The following PEX14 variants were observed in gnomAD, a reference collection of about 807,000 sequenced individuals.
The protein encoded by PEX14 is peroxisomal membrane protein PEX14.
PEX14 carries 15 observed loss-of-function variants against 49.5 expected under a neutral mutation model. The observed-to-expected ratio is 0.30, with a 90% confidence interval of 0.20 to 0.47. The LOEUF (loss-of-function observed/expected upper bound fraction) is 0.47, where lower values mean the gene tolerates loss of function less well. Among genes scored for constraint, PEX14 ranks in the 20% least tolerant of loss-of-function variants. PEX14 has a pLI of 1.00. For missense variants in PEX14, 398 were observed against 494.8 expected (o/e 0.80, Z 1.86); for synonymous variants, 210 against 212.7 (o/e 0.99, Z 0.11).
chr1:10,630,603 C>G lies in PEX14; in HGVS notation c.*616C>G, dbSNP rs541842608. The G allele has an allele frequency of 6.5e-6, 1 of 154,130 alleles. No individual in the cohort carries two copies. Among genetic ancestry groups the G allele is most frequent in the African/African-American group, 2.4e-5 (1 of 41,450 alleles). 9.5% of individuals were successfully genotyped at this position (154,130 alleles called of 1,614,324 possible). On this transcript the variant is annotated 3_prime_UTR_variant, in exon 9 of 9. Coordinates refer to ENST00000356607, the MANE Select transcript of PEX14 (RefSeq NM_004565.3). This position sits in a 1 kb window ranked among gnomAD's most constrained non-coding sequence, Gnocchi z 4.1. Reference sequence around the variant, plus strand: ...CCCATGGCGAGATGGGGGCTCACTCCGGAGGAGGAGCCAGGCAGCAGGGCC... The same window carrying G: ...CCCATGGCGAGATGGGGGCTCACTCGGGAGGAGGAGCCAGGCAGCAGGGCC...
intron 3 of PEX14, among the ~76,000 whole-genome samples, chr1:10,558,484 C>T (rs1323369754): frequency 6.6e-6 from 1 of 151,900 alleles, no homozygotes; most frequent in Admixed American, 6.6e-5. Flanking sequence ...CCTGTAATCC[C>T]AGCACTTTGG....
intron 3 of PEX14, among the ~76,000 whole-genome samples, chr1:10,590,178 G>A (rs536784059): frequency 5.3e-5 from 8 of 152,270 alleles, no homozygotes; most frequent in African/African-American, 1.9e-4. Flanking sequence ...GGCACTGCTC[G>A]GAGGTGCCAC....
chr1:10,606,052 A>G (rs1641117336), intron 4 of PEX14, among the ~76,000 whole-genome samples: 1 of 152,192 alleles, frequency 6.6e-6, no homozygotes, highest in Non-Finnish European at 1.5e-5. Context: ...GGCAGTTAGG[A>G]TTCTGGCTGT....
At chr1:10,493,949 G>A (rs991146563) in intron 1 of PEX14, among the ~76,000 whole-genome samples, 4 of 152,224 alleles carry the variant, frequency 2.6e-5, no homozygotes, top group African/African-American at 9.6e-5. Context: ...AGTCGGATGT[G>A]TATCTCAGAG....
chr1:10,495,444 A>C lies in PEX14; in HGVS notation c.84+123A>C. ...CCCTTTAAAAGTAGCTGTTACCTAG[A>C]GACTGCCTCTGTCAGTGACCTCTGA... On this transcript the variant is annotated intron_variant, in intron 2 of 8. Transcript: ENST00000356607. This position sits in a 1 kb window ranked among gnomAD's most constrained non-coding sequence, Gnocchi z 4.2. 1 of 780,864 alleles carries C rather than the reference A, an allele frequency of 1.3e-6. No individual in the cohort carries two copies. The highest frequency in any genetic ancestry group is 2.2e-6 in the Non-Finnish European group (1 of 453,464). 48.4% of individuals were successfully genotyped at this position (780,864 alleles called of 1,614,324 possible). A position where few individuals can be genotyped will look rare whatever the true frequency, so the allele number is the denominator to read the frequency against.
intron 4 of PEX14, chr1:10,616,793 A>G (rs922085425): frequency 2.0e-5 from 3 of 152,160 alleles, no homozygotes; most frequent in Non-Finnish European, 4.4e-5. Context: ...GTAGAATTGC[A>G]TTCAGGAGGG....
intron 2 of PEX14, among the ~76,000 whole-genome samples, chr1:10,515,908 T>A (rs1432759510): frequency 2.0e-5 from 3 of 152,158 alleles, no homozygotes; most frequent in African/African-American, 7.2e-5. Context: ...ATATCCTATA[T>A]TAGCCTCTGT....
At chr1:10,482,063 A>G (rs910066688) in intron 1 of PEX14, among the ~76,000 whole-genome samples, 10 of 151,980 alleles carry the variant, frequency 6.6e-5, no homozygotes, top group African/African-American at 2.4e-4. Flanking sequence ...GAGCTCAACC[A>G]GTCTGCCCGT....
At chr1:10,616,862 G>A (rs1344140896) in intron 4 of PEX14, 1 of 152,174 alleles carries the variant, frequency 6.6e-6, no homozygotes, top group Non-Finnish European at 1.5e-5. Context: ...CTCGCCTGTA[G>A]TCCATCTGCT....
Position 10,578,929 on chromosome 1 carries a change from A to C in PEX14, c.170-20309A>C, listed in dbSNP as rs1213826330. On this transcript the variant is annotated intron_variant, in intron 3 of 8. Coordinates refer to ENST00000356607, the MANE Select transcript of PEX14 (RefSeq NM_004565.3). Reference sequence around the variant, plus strand: ...TAAAAATAGGACCAGAGCCTTAATGACCTGCAGGACAAAAATCAAGCTGTC... The same window carrying C: ...TAAAAATAGGACCAGAGCCTTAATGCCCTGCAGGACAAAAATCAAGCTGTC... 1.3e-5 allele frequency among the ~76,000 whole-genome samples: 2 copies of C among 152,132 alleles called. 1 individual carries two copies. Among genetic ancestry groups the C allele is most frequent in the East Asian group, 3.9e-4 (2 of 5,166 alleles).
intron 3 of PEX14, among the ~76,000 whole-genome samples, chr1:10,572,423 G>T (rs1640002537): frequency 6.6e-6 from 1 of 152,180 alleles, no homozygotes; most frequent in African/African-American, 2.4e-5. Context: ...CAAAAAGGAT[G>T]CTACATCAAA....
chr1:10,505,158 G>T (rs551186116), intron 2 of PEX14, among the ~76,000 whole-genome samples: 4 of 152,148 alleles, frequency 2.6e-5, no homozygotes, highest in Admixed American at 6.5e-5. Context: ...TGGAGAAGGA[G>T]AATAAAGAAC....
chr1:10,586,451 C>T (rs1411688780), intron 3 of PEX14, among the ~76,000 whole-genome samples: 1 of 151,748 alleles, frequency 6.6e-6, no homozygotes, highest in Non-Finnish European at 1.5e-5. Flanking sequence ...CGAGCATTTC[C>T]CCTAAAAAAA....
At chr1:10,519,198 C>T (rs963106700) in intron 2 of PEX14, among the ~76,000 whole-genome samples, 2 of 152,102 alleles carry the variant, frequency 1.3e-5, no homozygotes, top group Non-Finnish European at 2.9e-5. Flanking sequence ...CCAGCCGTGA[C>T]AAACTGACAG....
intron 3 of PEX14, among the ~76,000 whole-genome samples, chr1:10,555,789 A>T (rs1639470856): frequency 6.6e-6 from 1 of 152,176 alleles, no homozygotes; most frequent in Admixed American, 6.5e-5. Context: ...CCCGTTCATT[A>T]GGTTTTCAGA....
At position 10,629,041 on chromosome 1, in the gene PEX14, C is replaced by G. The variant is rs905872259; in HGVS notation, c.678-490C>G. 6.6e-6 allele frequency among the ~76,000 whole-genome samples: 1 copy of G among 152,230 alleles called. No individual in the cohort carries two copies. Among genetic ancestry groups the G allele is most frequent in the African/African-American group, 2.4e-5 (1 of 41,460 alleles). ...CCTTTTGGTTCTGATGTGTCTGACC[C>G]CCTGCCAGTGGCCAGGGCTCCCTGC... On this transcript the variant is annotated intron_variant, in intron 8 of 8. Transcript: ENST00000356607. This position sits in a 1 kb window ranked among gnomAD's most constrained non-coding sequence, Gnocchi z 8.5.
chr1:10,505,773 C>T (rs189407243), intron 2 of PEX14, among the ~76,000 whole-genome samples: 190 of 152,032 alleles, frequency 1.2e-3, no homozygotes, highest in African/African-American at 3.7e-3. Context: ...CTCCGCCTCC[C>T]GGGTTCAAGT....
intron 2 of PEX14, among the ~76,000 whole-genome samples, chr1:10,500,464 T>C (rs1375264599): frequency 6.6e-6 from 1 of 151,474 alleles, no homozygotes; most frequent in Non-Finnish European, 1.5e-5. Flanking sequence ...CATGTATTCC[T>C]GGCACAGTCT....
intron 2 of PEX14, among the ~76,000 whole-genome samples, chr1:10,505,443 C>G (rs1487770236): frequency 2.6e-5 from 4 of 152,158 alleles, no homozygotes; most frequent in African/African-American, 9.7e-5. Context: ...AGACCTGTCT[C>G]AAAAACAAAA....
Sources: gnomAD v4.1 joint callset for allele counts (sites outside exome capture counted in the v4.1 genomes callset) on GRCh38, gnomAD v4.1.1 for gene constraint, Gnocchi (gnomAD v3.1) non-coding constraint, MANE v1.5 for transcripts, NCBI Gene and HGNC (gene_info 2026-07-23, HGNC 2026-07-21) for gene names.